ZNHIT1: variants seen among roughly 807,000 people sequenced by gnomAD.
ZNHIT1 encodes zinc finger HIT domain-containing protein 1.
In ZNHIT1, 20 loss-of-function variants were observed where a neutral mutation model predicts 21.4. The observed-to-expected ratio is 0.93, with a 90% CI of 0.66 to 1.36. The LOEUF is 1.36. Among genes scored for constraint, ZNHIT1 ranks in the 40% most tolerant of loss-of-function variants. ZNHIT1 has a pLI of 0.00. For missense variants in ZNHIT1, 170 were observed against 213.5 expected (o/e 0.80, Z 1.27); for synonymous variants, 79 against 84.0 (o/e 0.94, Z 0.32).
Position 101,224,032 on chromosome 7 carries a change from A to C in ZNHIT1, c.*74A>C. The C allele has an allele frequency of 1.2e-6, 2 of 1,602,886 alleles. No individual in the cohort carries two copies. The highest frequency in any genetic ancestry group is 8.5e-7 in the Non-Finnish European group (1 of 1,171,266). ...CAGAAAGACAGAATTTCATCACCCAATGCAGGGGGAGCTCTTCCTGGACCA... is the reference window on the plus strand; with the variant it reads ...CAGAAAGACAGAATTTCATCACCCACTGCAGGGGGAGCTCTTCCTGGACCA... On this transcript the variant is annotated 3_prime_UTR_variant, in exon 5 of 5. Coordinates refer to ENST00000305105, the MANE Select transcript of ZNHIT1 (RefSeq NM_006349.3).
At chr7:101,221,846 AGGAAGGCACACT>A (rs1248509643) in intron 1 of ZNHIT1, 2 of 152,020 alleles carry the variant, frequency 1.3e-5, no homozygotes, top group Non-Finnish European at 2.9e-5. Flanking sequence ...AAGGAGGAGG[AGGAAGGCACACT>A]GGAGCCGCTC....
intron 1 of ZNHIT1, chr7:101,218,635 C>A (rs141421517): frequency 1.7e-3 from 339 of 196,938 alleles, no homozygotes; most frequent in African/African-American, 7.2e-3. Flanking sequence ...ACCCTTCATT[C>A]ACGTTTTATT....
At chr7:101,219,603 T>G (rs1798339563) in intron 1 of ZNHIT1, 1 of 151,828 alleles carries the variant, frequency 6.6e-6, no homozygotes. Flanking sequence ...ATCTTTTGTA[T>G]TTTTAGTAGA....
Position 101,223,393 on chromosome 7 carries a change from A to G in ZNHIT1, c.194-84A>G, listed in dbSNP as rs1798403415. ...CTGTCTCAAAAAGAACCAGGAGGGC[A>G]CATGGGCATGGGGAGTGATGAACCA... On this transcript the variant is annotated intron_variant, in intron 2 of 4. Transcript: ENST00000305105. The G allele has an allele frequency of 1.4e-5, 20 of 1,455,718 alleles. 1 individual carries two copies. Among genetic ancestry groups the G allele is most frequent in the Non-Finnish European group, 1.8e-5 (19 of 1,044,104 alleles). 90.2% of individuals were successfully genotyped at this position (1,455,718 alleles called of 1,614,324 possible).
chr7:101,223,528 A>G lies in ZNHIT1; in HGVS notation c.245A>G (p.Lys82Arg). ...GATCATTTTAAACTTCGCTTCCGAA[A>G]AAACTTTCAGGCCCTGTTGGAGGAG... ...RGDHFKLRFR[K>R]NFQALLEEQN... Residue 82 changes from lysine to arginine, a missense_variant, in exon 3 of 5, where the codon AAA (lysine) becomes AGA (arginine). Transcript: ENST00000305105. 1 of 1,614,226 alleles carries G rather than the reference A, an allele frequency of 6.2e-7. No individual in the cohort carries two copies. The highest frequency in any genetic ancestry group is 8.5e-7 in the Non-Finnish European group (1 of 1,180,038).
intron 1 of ZNHIT1, chr7:101,222,343 G>A (rs1192213958): frequency 2.6e-5 from 12 of 467,060 alleles, no homozygotes; most frequent in Non-Finnish European, 4.5e-5. Context: ...TCCAGGCCGG[G>A]GCTCACTGGC....
In ZNHIT1 at chr7:101,219,112, C is replaced by CT. The variant is rs571023106; in HGVS notation, c.22+906dup. Reference sequence around the variant, plus strand: ...GGAAACACTGGAGAGCCAGCAAAGACTTTTTTTTTTTAGACAGAGTCTTGC... The same window carrying CT: ...GGAAACACTGGAGAGCCAGCAAAGACTTTTTTTTTTTTAGACAGAGTCTTGC... On this transcript the variant is annotated intron_variant, in intron 1 of 4. Coordinates refer to ENST00000305105, the MANE Select transcript of ZNHIT1 (RefSeq NM_006349.3). The CT allele has an allele frequency of 1.1e-3, 154 of 146,278 alleles. 1 individual carries two copies. Among genetic ancestry groups the CT allele is most frequent in the African/African-American group, 3.3e-3 (130 of 39,904 alleles). The allele number at this position is 146,278 out of a possible 1,614,324, so 9.1% of individuals were successfully genotyped here. A position where few individuals can be genotyped will look rare whatever the true frequency, so the allele number is the denominator to read the frequency against.
intron 1 of ZNHIT1, 134 bp downstream of exon 1, chr7:101,218,351 G>A: frequency 1.0e-6 from 1 of 969,958 alleles, no homozygotes; most frequent in Non-Finnish European, 1.5e-6. Context: ...ATAGCTCACT[G>A]CAGCCTCGAT....
intron 1 of ZNHIT1, chr7:101,222,341 G>A (rs914088122): frequency 7.8e-5 from 36 of 460,604 alleles, no homozygotes; most frequent in African/African-American, 4.6e-4. Flanking sequence ...TCTCCAGGCC[G>A]GGGCTCACTG....
intron 1 of ZNHIT1, 174 bp from the exon 2 acceptor site, chr7:101,222,430 T>G: frequency 4.0e-6 from 2 of 503,410 alleles, no homozygotes; most frequent in Non-Finnish European, 6.1e-6. Flanking sequence ...GGACAGGAAG[T>G]GTGGGCCCAG....
intron 1 of ZNHIT1, chr7:101,220,983 C>A (rs1200495231): frequency 6.6e-6 from 1 of 152,212 alleles, no homozygotes; most frequent in Non-Finnish European, 1.5e-5. Flanking sequence ...AACTCCTGAC[C>A]TGAAGTGATG....
At chr7:101,223,076 G>A (rs1339174123) in intron 2 of ZNHIT1, among the ~76,000 whole-genome samples, 2 of 152,152 alleles carry the variant, frequency 1.3e-5, no homozygotes, top group Non-Finnish European at 2.9e-5. Context: ...GGCCGACTTA[G>A]AGCCAGGAGG....
intron 3 of ZNHIT1, 37 bp from the exon 4 acceptor site, chr7:101,223,636 G>T (rs775268798): frequency 3.7e-6 from 6 of 1,612,972 alleles, no homozygotes; most frequent in Non-Finnish European, 5.1e-6. Context: ...GCGTGGGTGG[G>T]CGGAGGAGTT....
At chr7:101,218,748 CT>C (rs1798326157) in intron 1 of ZNHIT1, 1 of 155,090 alleles carries the variant, frequency 6.4e-6, no homozygotes, top group South Asian at 1.9e-4. Context: ...AGACCTAACA[CT>C]GTATTTTACT....
Position 101,223,962 on chromosome 7 carries a change from T to G in ZNHIT1, c.*4T>G. The G allele has an allele frequency of 6.2e-7, 1 of 1,614,192 alleles. No homozygotes were observed. Among genetic ancestry groups the G allele is most frequent in the Non-Finnish European group, 8.5e-7 (1 of 1,180,034 alleles). On this transcript the variant is annotated 3_prime_UTR_variant, in exon 5 of 5. Transcript: ENST00000305105. ...GTGTCTGAAGTGGACTGTGTGAGCC[T>G]GGGCATTCCCAGAGAGGAAGGGCCG...
At position 101,222,595 on chromosome 7, in the gene ZNHIT1, T is replaced by C. The variant is rs1584260648; in HGVS notation, c.23-9T>C. The C allele has an allele frequency of 6.2e-7, 1 of 1,610,818 alleles. No homozygotes were observed. The highest frequency in any genetic ancestry group is 1.7e-5 in the Admixed American group (1 of 59,668). On this transcript the variant is annotated splice_polypyrimidine_tract_variant and intron_variant, in intron 1 of 4. Coordinates refer to ENST00000305105, the MANE Select transcript of ZNHIT1 (RefSeq NM_006349.3). ...AGCCCTGTAACTTTGCGTGCCCTGCTCCATCCAGTTCGCTCCCAGGACCCC... is the reference window on the plus strand; with the variant it reads ...AGCCCTGTAACTTTGCGTGCCCTGCCCCATCCAGTTCGCTCCCAGGACCCC...
rs778353713 is a variant in ZNHIT1 at position 101,222,619 on chromosome 7, C to T, written c.38C>T (p.Pro13Leu). Residue 13 changes from proline to leucine, a missense_variant, in exon 2 of 5, where the codon CCC becomes CTC. Transcript: ENST00000305105. ...CTCCATCCAGTTCGCTCCCAGGACC[C>T]CGGGCAGCGGCGGGTGCTGGACCGG... is the stretch of plus-strand genomic sequence containing the variant. ...EKKTSVRSQDPGQRRVLDRAA... is the reference protein window; with the variant it reads ...EKKTSVRSQDLGQRRVLDRAA... The T allele has an allele frequency of 1.2e-6, 2 of 1,613,086 alleles. No homozygotes were observed. Among genetic ancestry groups the T allele is most frequent in the Non-Finnish European group, 1.7e-6 (2 of 1,179,494 alleles).
intron 1 of ZNHIT1, chr7:101,222,369 G>C (rs1798382949): frequency 3.9e-6 from 2 of 512,260 alleles, no homozygotes; most frequent in Non-Finnish European, 6.9e-6. Context: ...CTGGGATTGA[G>C]AGGAAGGCGG....
At position 101,222,789 on chromosome 7, in the gene ZNHIT1, G is replaced by A. The variant is rs762454435; in HGVS notation, c.193+15G>A. The A allele has an allele frequency of 6.2e-7, 1 of 1,610,780 alleles. No individual in the cohort carries two copies. The highest frequency in any genetic ancestry group is 1.1e-5 in the South Asian group (1 of 90,920). Reference sequence around the variant, plus strand: ...TGCGGACACTGGTGAGGCGGATGGAGGAGGAAGCGGGGGATGGGACTGAGA... The same window carrying A: ...TGCGGACACTGGTGAGGCGGATGGAAGAGGAAGCGGGGGATGGGACTGAGA... On this transcript the variant is annotated intron_variant, in intron 2 of 4. Coordinates refer to ENST00000305105, the MANE Select transcript of ZNHIT1 (RefSeq NM_006349.3).
Sources: gnomAD v4.1 joint callset for allele counts (sites outside exome capture counted in the v4.1 genomes callset) on GRCh38, gnomAD v4.1.1 for gene constraint, MANE v1.5 for transcripts, NCBI Gene and HGNC (gene_info 2026-07-23, HGNC 2026-07-21) for gene names.